UVRAG: variants seen among roughly 807,000 people sequenced by gnomAD.
UVRAG encodes UV radiation resistance-associated gene protein.
In UVRAG, 19 loss-of-function variants were observed where a neutral mutation model predicts 78.0. The ratio of observed to expected loss-of-function variants is 0.24; its 90% CI spans 0.17 to 0.36. UVRAG has a LOEUF of 0.36. Among genes scored for constraint, UVRAG ranks in the 10% least tolerant of loss-of-function variants. The pLI is 1.00. For synonymous variants in UVRAG, 323 were observed against 324.6 expected (o/e 1.00, Z 0.05); for missense variants, 740 against 853.8 (o/e 0.87, Z 1.66).
At chr11:76,011,179 G>A (rs2135354533) in intron 11 of UVRAG, among the ~76,000 whole-genome samples, 1 of 152,226 alleles carries the variant, frequency 6.6e-6, no homozygotes, top group South Asian at 2.1e-4. Context: ...ATAAATTAGT[G>A]TAGCTTTTTA....
rs148088594 is a variant in UVRAG at position 75,925,085 on chromosome 11, A to G, written c.593+13046A>G. Among the ~76,000 whole-genome samples, 562 of 152,272 alleles carry G rather than the reference A, an allele frequency of 3.7e-3. 3 individuals are homozygous for G. The highest frequency in any genetic ancestry group is 0.026 in the East Asian group (136 of 5,186). ...AATTTTGGCTTGAATTCACAGAGTT[A>G]CTGGACTAAGACTGCTTTGTTTGAG... On this transcript the variant is annotated intron_variant, in intron 6 of 14. Coordinates refer to ENST00000356136, the MANE Select transcript of UVRAG (RefSeq NM_003369.4).
At chr11:76,113,917 CA>C (rs1952128714) in intron 13 of UVRAG, among the ~76,000 whole-genome samples, 1 of 152,046 alleles carries the variant, frequency 6.6e-6, no homozygotes, top group East Asian at 1.9e-4. Flanking sequence ...GAAATTCCCA[CA>C]TTTTTCTTTT....
chr11:75,866,376 T>TAAATAAAATAAAATA (rs1555077121), intron 3 of UVRAG, among the ~76,000 whole-genome samples: 19 of 150,344 alleles, frequency 1.3e-4, no homozygotes, highest in African/African-American at 3.7e-4. Context: ...AATAAATAAA[T>TAAATAAAATAAAATA]AAATAAAATA....
chr11:75,983,322 G>A (rs916186316), intron 7 of UVRAG, 65 bp from the exon 8 acceptor site: 1 of 1,371,654 alleles, frequency 7.3e-7, no homozygotes, highest in Admixed American at 2.3e-5. Flanking sequence ...AACATTGTGA[G>A]TATGTAATTA....
At chr11:75,957,675 A>G (rs954055134) in intron 6 of UVRAG, among the ~76,000 whole-genome samples, 21 of 152,018 alleles carry the variant, frequency 1.4e-4, no homozygotes, top group African/African-American at 4.8e-4. Context: ...ATGTACATGT[A>G]TTTTTTACTT....
intron 13 of UVRAG, among the ~76,000 whole-genome samples, chr11:76,082,377 A>G (rs980293585): frequency 1.3e-5 from 2 of 151,780 alleles, no homozygotes; most frequent in African/African-American, 4.8e-5. Context: ...TGTCTCTACT[A>G]AAAATACAAA....
intron 14 of UVRAG, among the ~76,000 whole-genome samples, chr11:76,122,519 G>A (rs1027351856): frequency 1.3e-5 from 2 of 152,186 alleles, no homozygotes; most frequent in African/African-American, 4.8e-5. Flanking sequence ...CATACTGCCT[G>A]GCACTTAGTA....
At chr11:75,961,650 A>G (rs1392939798) in intron 7 of UVRAG, 101 bp downstream of exon 7, 2 of 832,360 alleles carry the variant, frequency 2.4e-6, no homozygotes, top group Admixed American at 3.6e-5. Flanking sequence ...GATCGTTTTT[A>G]TCTTCTTAAT....
chr11:75,942,217 C>T (rs1194366670), intron 6 of UVRAG: 1 of 153,040 alleles, frequency 6.5e-6, no homozygotes, highest in East Asian at 1.9e-4. Flanking sequence ...TGAATATCAG[C>T]AATTTTCTGA....
chr11:75,855,097 T>C (rs1465927761), intron 2 of UVRAG, among the ~76,000 whole-genome samples: 3 of 152,214 alleles, frequency 2.0e-5, no homozygotes, highest in Non-Finnish European at 4.4e-5. Flanking sequence ...AGAATAGTCA[T>C]GGGGCTGGTT....
Position 76,102,946 on chromosome 11 carries a change from A to C in UVRAG, c.1306-12978A>C, listed in dbSNP as rs552474754. Among the ~76,000 whole-genome samples, 3 of 152,230 alleles carry C rather than the reference A, an allele frequency of 2.0e-5. No homozygotes were observed. The East Asian group carries it at 5.8e-4, about 29-fold the overall frequency. On this transcript the variant is annotated intron_variant, in intron 13 of 14. Transcript: ENST00000356136. ...CTCTTATCTGGAGTTTCTTGGCAATAATCCACTTCCAAGCTCATCTAAATT... is the reference window on the plus strand; with the variant it reads ...CTCTTATCTGGAGTTTCTTGGCAATCATCCACTTCCAAGCTCATCTAAATT...
In UVRAG at chr11:76,011,924, G is replaced by A. The variant is rs116968496; in HGVS notation, c.1060+3057G>A. On this transcript the variant is annotated intron_variant, in intron 11 of 14. Transcript: ENST00000356136. ...AATCACTTCTATCAGGAGCGATCAG[G>A]AAAACTTTTATAGAGAAGATGATTT... Among the ~76,000 whole-genome samples, 1,092 of 152,284 alleles carry A rather than the reference G, an allele frequency of 7.2e-3. 9 individuals are homozygous for A. Among genetic ancestry groups the A allele is most frequent in the Middle Eastern group, 0.017 (5 of 294 alleles).
intron 3 of UVRAG, among the ~76,000 whole-genome samples, chr11:75,867,147 C>T (rs1946555530): frequency 6.6e-6 from 1 of 152,132 alleles, no homozygotes; most frequent in African/African-American, 2.4e-5. Context: ...TGCTTTCTGC[C>T]TACACAAAAT....
intron 8 of UVRAG, among the ~76,000 whole-genome samples, chr11:75,985,472 C>T (rs942955959): frequency 3.3e-5 from 5 of 151,822 alleles, no homozygotes; most frequent in African/African-American, 1.2e-4. Context: ...TTGGCATATG[C>T]TTAAAAATAT....
Position 75,965,515 on chromosome 11 carries a change from C to T in UVRAG, c.699+3966C>T, listed in dbSNP as rs190880063. ...TATTTTTAGTAGAGACGGGGGTTCA[C>T]CGTGTTAGCCTGGATGGTCTCCATC... is the stretch of plus-strand genomic sequence containing the variant. On this transcript the variant is annotated intron_variant, in intron 7 of 14. Coordinates refer to ENST00000356136, the MANE Select transcript of UVRAG (RefSeq NM_003369.4). 1.2e-4 allele frequency among the ~76,000 whole-genome samples: 19 copies of T among 152,226 alleles called. No homozygotes were observed. The East Asian group carries it at 3.3e-3, about 26-fold the overall frequency.
At chr11:76,110,280 C>T (rs915056264) in intron 13 of UVRAG, among the ~76,000 whole-genome samples, 33 of 149,114 alleles carry the variant, frequency 2.2e-4, no homozygotes, top group African/African-American at 8.1e-4. Flanking sequence ...TATGATGTAC[C>T]AGATATTATT....
At position 75,834,744 on chromosome 11, in the gene UVRAG, G is replaced by A. The variant is rs556727404; in HGVS notation, c.118-17139G>A. Among the ~76,000 whole-genome samples the A allele has an allele frequency of 3.2e-4, 49 of 152,250 alleles. 1 individual carries two copies. Among genetic ancestry groups the A allele is most frequent in the Admixed American group, 2.9e-3 (44 of 15,294 alleles). On this transcript the variant is annotated intron_variant, in intron 1 of 14. Coordinates refer to ENST00000356136, the MANE Select transcript of UVRAG (RefSeq NM_003369.4). ...CAGGAGAATTGCTTGAACCTGGGAGGTGGAGGTTGTGGTGAGCCGGGATTG... is the reference window on the plus strand; with the variant it reads ...CAGGAGAATTGCTTGAACCTGGGAGATGGAGGTTGTGGTGAGCCGGGATTG...
chr11:76,010,221 T>A (rs193115292), intron 11 of UVRAG, among the ~76,000 whole-genome samples: 1 of 152,338 alleles, frequency 6.6e-6, no homozygotes, highest in Non-Finnish European at 1.5e-5. Context: ...ACCAGTTTCC[T>A]GGGATACAGA....
At chr11:75,845,445 T>C (rs982780166) in intron 1 of UVRAG, among the ~76,000 whole-genome samples, 9 of 152,106 alleles carry the variant, frequency 5.9e-5, no homozygotes, top group Non-Finnish European at 5.9e-5. Flanking sequence ...CCATCAATGG[T>C]GGACTGGTTA....
Sources: gnomAD v4.1 joint callset for allele counts (sites outside exome capture counted in the v4.1 genomes callset) on GRCh38, gnomAD v4.1.1 for gene constraint, MANE v1.5 for transcripts, NCBI Gene and HGNC (gene_info 2026-07-23, HGNC 2026-07-21) for gene names.